The following MME variants were observed in gnomAD, a reference collection of about 807,000 sequenced individuals.
MME encodes neprilysin.
A neutral mutation model predicts 113.2 loss-of-function variants in MME; 98 were observed. The ratio of observed to expected loss-of-function variants is 0.87; its 90% CI spans 0.74 to 1.02. The LOEUF (loss-of-function observed/expected upper bound fraction) is 1.02, where lower values mean the gene tolerates loss of function less well. MME is among the 50% of genes least tolerant of loss of function. MME has a pLI of 0.00. For synonymous variants in MME, 292 were observed against 300.6 expected (o/e 0.97, Z 0.30); for missense variants, 836 against 896.0 (o/e 0.93, Z 0.86).
At chr3:155,073,128 G>A (rs550245112) in intron 1 of MME, among the ~76,000 whole-genome samples, 11 of 152,272 alleles carry the variant, frequency 7.2e-5, no homozygotes, top group South Asian at 4.1e-4. Context: ...AAAGTCAACC[G>A]AAGGTGCATA....
intron 1 of MME, among the ~76,000 whole-genome samples, chr3:155,025,830 G>A (rs1031692790): frequency 6.7e-6 from 1 of 149,700 alleles, no homozygotes; most frequent in Non-Finnish European, 1.5e-5. Flanking sequence ...AAGTAGCTGG[G>A]ATTACAGGTG....
intron 1 of MME, among the ~76,000 whole-genome samples, chr3:155,054,840 A>G (rs1005751101): frequency 2.0e-5 from 3 of 152,156 alleles, no homozygotes; most frequent in Non-Finnish European, 2.9e-5. Context: ...AAGCAAACAA[A>G]ACAAAACAAA....
At chr3:155,108,086 A>G (rs1011350059) in intron 3 of MME, among the ~76,000 whole-genome samples, 1 of 152,220 alleles carries the variant, frequency 6.6e-6, no homozygotes, top group African/African-American at 2.4e-5. Flanking sequence ...AAGGCTATGT[A>G]TTAATCATCT....
rs182542491 is a variant in MME, at chr3:155,112,310, T to C, written c.197-2684T>C. The C allele has an allele frequency of 1.3e-3, 193 of 152,322 alleles. 2 individuals are homozygous for C. Among genetic ancestry groups the C allele is most frequent in the African/African-American group, 4.2e-3 (174 of 41,564 alleles). The allele number at this position is 152,322 out of a possible 1,614,324, so 9.4% of individuals were successfully genotyped here. A position where few individuals can be genotyped will look rare whatever the true frequency, so the allele number is the denominator to read the frequency against. ...TTTGAAAATGCCTGAAATTCCAAAA[T>C]GAAATAATATGAAATAATATTTATT... On this transcript the variant is annotated intron_variant, in intron 3 of 22. Coordinates refer to ENST00000360490, the MANE Select transcript of MME (RefSeq NM_007289.4).
intron 8 of MME, among the ~76,000 whole-genome samples, chr3:155,133,773 G>GTA (rs1335322905): frequency 2.9e-4 from 42 of 145,490 alleles, no homozygotes; most frequent in Middle Eastern, 3.6e-3. Context: ...TATATGGTGT[G>GTA]TATATATATA....
chr3:155,069,894 G>A (rs1271924112), intron 1 of MME, among the ~76,000 whole-genome samples: 2 of 152,134 alleles, frequency 1.3e-5, no homozygotes, highest in Admixed American at 6.6e-5. Context: ...GTCAGCAGAA[G>A]GACCTTATTG....
chr3:155,039,915 A>G (rs958132081), intron 1 of MME, among the ~76,000 whole-genome samples: 2 of 152,094 alleles, frequency 1.3e-5, no homozygotes, highest in East Asian at 1.9e-4. Flanking sequence ...ACTGATTAAT[A>G]TAATTTTGAA....
intron 1 of MME, chr3:155,081,248 GCTAAGT>G (rs1359591138): frequency 1.3e-5 from 2 of 152,206 alleles, no homozygotes; most frequent in African/African-American, 4.8e-5. Flanking sequence ...AAACTGCTTA[GCTAAGT>G]CTAAGTCTGT....
upstream of MME, chr3:155,080,216 C>G (rs985928046): frequency 6.6e-6 from 1 of 152,622 alleles, no homozygotes; most frequent in Non-Finnish European, 1.5e-5. Context: ...GGGAAGGAGC[C>G]GCTACTGGGA....
In MME at chr3:155,172,523, T is replaced by C; in HGVS notation, c.2077-13T>C. On this transcript the variant is annotated splice_polypyrimidine_tract_variant and intron_variant, in intron 21 of 22. Transcript: ENST00000360490. ...CTGAGTACATGCTTTGCTTTTCCTA[T>C]TCCTATCTCTAGGTGTGGTGTGGAA... The C allele has an allele frequency of 6.3e-7, 1 of 1,599,538 alleles. No individual in the cohort carries two copies. The highest frequency in any genetic ancestry group is 8.6e-7 in the Non-Finnish European group (1 of 1,166,952).
At chr3:155,124,812 C>T (rs567148621) in intron 8 of MME, among the ~76,000 whole-genome samples, 35 of 152,156 alleles carry the variant, frequency 2.3e-4, no homozygotes, top group Non-Finnish European at 4.4e-4. Context: ...AGAACCACTG[C>T]TCTCTTCAAA....
intron 1 of MME, among the ~76,000 whole-genome samples, chr3:155,054,217 G>T (rs1713853968): frequency 6.6e-6 from 1 of 151,796 alleles, no homozygotes; most frequent in Non-Finnish European, 1.5e-5. Context: ...GGATTTTTTG[G>T]GACTATGTTT....
chr3:155,143,766 T>A (rs967686530), intron 13 of MME, among the ~76,000 whole-genome samples, 195 bp downstream of exon 13: 1 of 152,120 alleles, frequency 6.6e-6, no homozygotes, highest in Admixed American at 6.6e-5. Context: ...ATGTTTCTGC[T>A]CCTAATACTG....
chr3:155,168,665 T>C (rs1711582016), intron 19 of MME, 40 bp downstream of exon 19: 2 of 1,613,316 alleles, frequency 1.2e-6, no homozygotes, highest in African/African-American at 2.7e-5. Context: ...TTAGACATGT[T>C]CAATCTTAAG....
intron 1 of MME, among the ~76,000 whole-genome samples, chr3:155,028,318 G>T (rs1192924287): frequency 6.6e-6 from 1 of 152,212 alleles, no homozygotes; most frequent in African/African-American, 2.4e-5. Context: ...GGGAATACAT[G>T]AGATTGGGTG....
chr3:155,110,606 G>T (rs1718114953), intron 3 of MME, among the ~76,000 whole-genome samples: 1 of 152,130 alleles, frequency 6.6e-6, no homozygotes, highest in African/African-American at 2.4e-5. Context: ...ATTCAGAATT[G>T]TCATTTGTAA....
intron 7 of MME, among the ~76,000 whole-genome samples, chr3:155,117,606 T>TG (rs1009816748): frequency 3.3e-5 from 2 of 61,238 alleles, no homozygotes; most frequent in Middle Eastern, 9.1e-3. Flanking sequence ...TTTGTTTTTT[T>TG]TTTTTTTTGG....
At chr3:155,038,624 A>T (rs1425582674) in intron 1 of MME, among the ~76,000 whole-genome samples, 1 of 152,318 alleles carries the variant, frequency 6.6e-6, no homozygotes, top group East Asian at 1.9e-4. Flanking sequence ...TCCTTGAGGA[A>T]TATGCTCCAA....
chr3:155,082,445 C>T (rs1358108245), intron 1 of MME, among the ~76,000 whole-genome samples: 1 of 152,086 alleles, frequency 6.6e-6, no homozygotes, highest in East Asian at 1.9e-4. Context: ...TGTAAAGTGT[C>T]CAGAGTATTA....
Sources: gnomAD v4.1 joint callset for allele counts (sites outside exome capture counted in the v4.1 genomes callset) on GRCh38, gnomAD v4.1.1 for gene constraint, MANE v1.5 for transcripts, NCBI Gene and HGNC (gene_info 2026-07-23, HGNC 2026-07-21) for gene names.